The following DENND1A variants were observed in gnomAD, a reference collection of about 807,000 sequenced individuals.
The protein encoded by DENND1A is DENN domain-containing protein 1A.
In DENND1A, 51 loss-of-function variants were observed where a neutral mutation model predicts 113.7. The ratio of observed to expected loss-of-function variants is 0.45; its 90% CI spans 0.36 to 0.57. DENND1A has a LOEUF of 0.57. Ranked by LOEUF, DENND1A falls within the 20% of genes least tolerant of loss-of-function variation. The pLI is 0.00. For synonymous variants in DENND1A, 565 were observed against 570.8 expected, an observed-to-expected ratio of 0.99 and a Z score of 0.14; for missense variants, 1,258 against 1,395.9, an observed-to-expected ratio of 0.90 and a Z score of 1.57.
intron 5 of DENND1A, among the ~76,000 whole-genome samples, chr9:123,710,291 TG>T (rs2066491899): frequency 6.6e-6 from 1 of 152,222 alleles, no homozygotes; most frequent in African/African-American, 2.4e-5. Flanking sequence ...TGTCCTGTTT[TG>T]TCTTTTTATG....
At chr9:123,403,346 G>C in intron 21 of DENND1A, 56 bp downstream of exon 21, 1 of 1,584,812 alleles carries the variant, frequency 6.3e-7, no homozygotes, top group Non-Finnish European at 8.6e-7. Flanking sequence ...TTCGCAAAGT[G>C]CTGGCTCCGC....
At chr9:123,388,338 C>T (rs2042672028) in intron 21 of DENND1A, among the ~76,000 whole-genome samples, 2 of 152,170 alleles carry the variant, frequency 1.3e-5, no homozygotes, top group Admixed American at 6.5e-5. Flanking sequence ...AGAAAAAAGA[C>T]TGGAAAGGTT....
intron 2 of DENND1A, among the ~76,000 whole-genome samples, chr9:123,873,433 T>A (rs1846961765): frequency 6.6e-6 from 1 of 152,316 alleles, no homozygotes; most frequent in Non-Finnish European, 1.5e-5. Context: ...AATACATGAC[T>A]TCACTAGTGT....
intron 5 of DENND1A, among the ~76,000 whole-genome samples, chr9:123,678,891 A>T (rs1415080561): frequency 6.6e-6 from 1 of 152,222 alleles, no homozygotes. Flanking sequence ...TAGGGAGCAG[A>T]TAAGTTTCTC....
chr9:123,611,171 TTTC>T lies in DENND1A; in HGVS notation c.720-1693_720-1691del, dbSNP rs377467993. 5.3e-4 allele frequency among the ~76,000 whole-genome samples: 80 copies of T among 152,220 alleles called. 1 individual carries two copies. The highest frequency in any genetic ancestry group is 7.0e-4 in the African/African-American group (29 of 41,546). Reference sequence around the variant, plus strand: ...AATTGCAGTGAAAGTGGAGTTGTCTTTTCTTCTTCTTCTTCTTCTTTTTTTTAG... The same window carrying T: ...AATTGCAGTGAAAGTGGAGTTGTCTTTTCTTCTTCTTCTTCTTTTTTTTAG... On this transcript the variant is annotated intron_variant, in intron 10 of 23. Transcript: ENST00000394215.
intron 5 of DENND1A, among the ~76,000 whole-genome samples, chr9:123,710,578 G>C (rs2140925355): frequency 7.5e-6 from 1 of 134,006 alleles, no homozygotes; most frequent in East Asian, 2.0e-4. Flanking sequence ...ATACAAATTT[G>C]CTTTGAGCTT....
intron 13 of DENND1A, among the ~76,000 whole-genome samples, chr9:123,534,343 T>A (rs2055560144): frequency 6.6e-6 from 1 of 152,264 alleles, no homozygotes; most frequent in South Asian, 2.1e-4. Context: ...AGTATCATGC[T>A]GTATGCTTCT....
chr9:123,710,673 GTTTT>G (rs11392793), intron 5 of DENND1A, among the ~76,000 whole-genome samples: 1 of 138,984 alleles, frequency 7.2e-6, no homozygotes, highest in Non-Finnish European at 1.6e-5. Flanking sequence ...AATCTTGGAG[GTTTT>G]TTTTTTTTTT....
chr9:123,381,447 C>A lies in DENND1A; in HGVS notation c.3198G>T (p.Trp1066Cys). ...PDSVEQLRKQ[W>C]ETFE ...AGGGCCCGGCTCACTCGAAGGTCTC[C>A]CACTGCTTCCTGAGCTGCTCCACCG... Residue 1066 changes from tryptophan to cysteine, a missense_variant, in exon 24 of 24, where the codon TGG becomes TGT. Transcript: ENST00000394215. The surrounding 1 kb of genome is among the most constrained non-coding windows in gnomAD (Gnocchi z 4.7). The A allele has an allele frequency of 6.2e-7, 1 of 1,613,286 alleles. No individual in the cohort carries two copies. The highest frequency in any genetic ancestry group is 1.1e-5 in the South Asian group (1 of 91,066).
chr9:123,717,747 G>A (rs1044793417), intron 5 of DENND1A, among the ~76,000 whole-genome samples: 1 of 152,200 alleles, frequency 6.6e-6, no homozygotes, highest in African/African-American at 2.4e-5. Flanking sequence ...TCTCCCAGAG[G>A]TTGCCCTGTG....
intron 5 of DENND1A, among the ~76,000 whole-genome samples, chr9:123,682,372 T>C (rs2140227648): frequency 6.6e-6 from 1 of 152,294 alleles, no homozygotes; most frequent in Non-Finnish European, 1.5e-5. Flanking sequence ...AAAAGTAACA[T>C]GACACAGGGT....
At chr9:123,776,700 TA>T (rs1830522894) in intron 3 of DENND1A, among the ~76,000 whole-genome samples, 3 of 152,154 alleles carry the variant, frequency 2.0e-5, no homozygotes, top group Non-Finnish European at 4.4e-5. Context: ...ACCAAAACCT[TA>T]AAAAAATTTT....
chr9:123,810,566 A>AAAAC (rs1564316005), intron 2 of DENND1A, among the ~76,000 whole-genome samples: 174 of 149,692 alleles, frequency 1.2e-3, no homozygotes, highest in African/African-American at 4.2e-3. Context: ...AAAAAAAAAA[A>AAAAC]AAACAAACAT....
chr9:123,607,820 G>A (rs933132712), intron 11 of DENND1A, among the ~76,000 whole-genome samples: 3 of 151,626 alleles, frequency 2.0e-5, no homozygotes, highest in Admixed American at 1.3e-4. Flanking sequence ...ATGCTGAGGC[G>A]CTGGGACATA....
At chr9:123,415,125 T>C (rs950441854) in intron 19 of DENND1A, among the ~76,000 whole-genome samples, 2 of 152,078 alleles carry the variant, frequency 1.3e-5, no homozygotes, top group African/African-American at 4.8e-5. Context: ...CAGCGGGATA[T>C]AAAGATGCCA....
chr9:123,409,303 C>T (rs1239855790), intron 20 of DENND1A, among the ~76,000 whole-genome samples: 1 of 151,432 alleles, frequency 6.6e-6, no homozygotes, highest in Admixed American at 6.6e-5. Context: ...TTTTTCTTCC[C>T]GCAGCATTTT....
intron 5 of DENND1A, among the ~76,000 whole-genome samples, chr9:123,681,748 G>C (rs2064475197): frequency 6.6e-6 from 1 of 152,114 alleles, no homozygotes; most frequent in Non-Finnish European, 1.5e-5. Context: ...ACCTTCCCTA[G>C]TTTTAGTCAC....
At chr9:123,392,370 C>A (rs2131061031) in intron 21 of DENND1A, among the ~76,000 whole-genome samples, 1 of 152,292 alleles carries the variant, frequency 6.6e-6, no homozygotes, top group South Asian at 2.1e-4. Flanking sequence ...GGGGAAAAAT[C>A]AGCCAGGACT....
At chr9:123,900,607 G>A (rs1376117293) in intron 1 of DENND1A, among the ~76,000 whole-genome samples, 1 of 152,208 alleles carries the variant, frequency 6.6e-6, no homozygotes, top group Non-Finnish European at 1.5e-5. Flanking sequence ...TATCAATGAG[G>A]CTGCGGTCAG....
Sources: allele counts gnomAD v4.1 joint callset (sites outside exome capture counted in the v4.1 genomes callset), GRCh38; gene constraint gnomAD v4.1.1; non-coding constraint Gnocchi (gnomAD v3.1); transcripts MANE v1.5; gene names NCBI Gene and HGNC (gene_info 2026-07-23, HGNC 2026-07-21).